AKAP3: variants seen among roughly 807,000 people sequenced by gnomAD.
The protein encoded by AKAP3 is A-kinase anchor protein 3.
In AKAP3, 27 loss-of-function variants were observed where a neutral mutation model predicts 57.2. The ratio of observed to expected loss-of-function variants is 0.47; its 90% CI spans 0.35 to 0.65. AKAP3 has a LOEUF of 0.65. Among genes scored for constraint, AKAP3 ranks in the 30% least tolerant of loss-of-function variants. The pLI is 0.01. For missense variants in AKAP3, 959 were observed against 1,040.0 expected, an observed-to-expected ratio of 0.92 and a Z score of 1.07; for synonymous variants, 334 against 392.3, an observed-to-expected ratio of 0.85 and a Z score of 1.76.
Position 4,647,106 on chromosome 12 carries a change from C to T in AKAP3, c.-245+1639G>A, listed in dbSNP as rs78836002. On this transcript the variant is annotated intron_variant, in intron 1 of 5. Transcript: ENST00000228850. ...CCTCTTCGTCTTTGAAATAATGGGG[C>T]TTGCTGAGCTCCTAAAATCTCTTCC... Among the ~76,000 whole-genome samples, 1,275 of 152,150 alleles carry T rather than the reference C, an allele frequency of 8.4e-3. 9 individuals are homozygous for T. The highest frequency in any genetic ancestry group is 0.022 in the African/African-American group (930 of 41,500).
At chr12:4,637,255 T>C (rs1444040453) in intron 4 of AKAP3, among the ~76,000 whole-genome samples, 1 of 152,184 alleles carries the variant, frequency 6.6e-6, no homozygotes, top group East Asian at 1.9e-4. Flanking sequence ...ACCCTAAACA[T>C]TTCTCCTTTG....
chr12:4,622,432 A>T (rs146608498), intron 5 of AKAP3, among the ~76,000 whole-genome samples: 164 of 152,286 alleles, frequency 1.1e-3, no homozygotes, highest in African/African-American at 3.7e-3. Flanking sequence ...ACAAAAACAG[A>T]CATACAGACC....
rs1945399280 is a variant in AKAP3 at position 4,625,347 on chromosome 12, C to T, written c.2406+1149G>A. Among the ~76,000 whole-genome samples the T allele has an allele frequency of 6.6e-6, 1 of 152,190 alleles. No homozygotes were observed. Among genetic ancestry groups the T allele is most frequent in the Admixed American group, 6.5e-5 (1 of 15,272 alleles). On this transcript the variant is annotated intron_variant, in intron 5 of 5. Coordinates refer to ENST00000228850, the MANE Select transcript of AKAP3 (RefSeq NM_001278309.2). The surrounding 1 kb of genome is among the most constrained non-coding windows in gnomAD (Gnocchi z 5.4). The stretch of plus-strand genomic sequence containing the variant: ...GATGCCAATGTTGTAGGTCCACAGA[C>T]TACACTTTAAGTAGCACGTGTAGTC...
intron 3 of AKAP3, among the ~76,000 whole-genome samples, chr12:4,641,185 C>T (rs1945633935): frequency 6.6e-6 from 1 of 151,110 alleles, no homozygotes; most frequent in South Asian, 2.1e-4. Context: ...ACCGCAACCT[C>T]CGCCTTCCCA....
intron 1 of AKAP3, among the ~76,000 whole-genome samples, chr12:4,646,673 A>C (rs915300237): frequency 6.6e-6 from 1 of 152,202 alleles, no homozygotes; most frequent in Non-Finnish European, 1.5e-5. Context: ...CTTGAAAAAA[A>C]AAAAAGTTAT....
At chr12:4,643,477 G>T (rs112649171) in intron 2 of AKAP3, among the ~76,000 whole-genome samples, 2 of 152,124 alleles carry the variant, frequency 1.3e-5, no homozygotes, top group African/African-American at 4.8e-5. Context: ...ATGATACTTT[G>T]TGTTATCTAT....
At chr12:4,642,783 A>C (rs1469638510) in intron 2 of AKAP3, among the ~76,000 whole-genome samples, 1 of 152,176 alleles carries the variant, frequency 6.6e-6, no homozygotes, top group African/African-American at 2.4e-5. Flanking sequence ...TTTCCTATTC[A>C]TCTTGGTATG....
Position 4,625,104 on chromosome 12 carries a change from G to A in AKAP3, c.2406+1392C>T, listed in dbSNP as rs1945395521. Reference sequence around the variant, plus strand: ...CCACCTCTACTAATTGCTATATACTGTAAAATAGTTGTCTGTTTCACGGAT... The same window carrying A: ...CCACCTCTACTAATTGCTATATACTATAAAATAGTTGTCTGTTTCACGGAT... On this transcript the variant is annotated intron_variant, in intron 5 of 5. Coordinates refer to ENST00000228850, the MANE Select transcript of AKAP3 (RefSeq NM_001278309.2). The surrounding 1 kb of genome is among the most constrained non-coding windows in gnomAD (Gnocchi z 5.4). Among the ~76,000 whole-genome samples, 1 of 151,984 alleles carries A rather than the reference G, an allele frequency of 6.6e-6. No homozygotes were observed. Among genetic ancestry groups the A allele is most frequent in the Admixed American group, 6.6e-5 (1 of 15,244 alleles).
At chr12:4,632,329 C>T (rs923287841) in intron 4 of AKAP3, among the ~76,000 whole-genome samples, 4 of 152,182 alleles carry the variant, frequency 2.6e-5, no homozygotes, top group East Asian at 3.8e-4. Flanking sequence ...CATGTGTAGT[C>T]GTGAGTTCTA....
intron 5 of AKAP3, among the ~76,000 whole-genome samples, chr12:4,619,449 C>A (rs529400957): frequency 3.3e-5 from 5 of 151,618 alleles, no homozygotes; most frequent in Admixed American, 3.3e-4. Flanking sequence ...CCCAGCTACT[C>A]GGGAGGCTGA....
Position 4,627,531 on chromosome 12 carries a change from C to T in AKAP3, c.1371G>A (p.Gly457=), listed in dbSNP as rs768271801. 6.2e-7 allele frequency: 1 copy of T among 1,614,120 alleles called. No individual in the cohort carries two copies. Among genetic ancestry groups the T allele is most frequent in the Non-Finnish European group, 8.5e-7 (1 of 1,179,996 alleles). The change falls in exon 5 of 6, where the codon GGG becomes GGA. Residue 457 remains glycine (G), a synonymous_variant. Transcript: ENST00000228850. Reference sequence around the variant, plus strand: ...GCTGAGTTTTATGCCACAAGGTAAGCCCCTCTTTGATAATGTGCTCACCCA... The same window carrying T: ...GCTGAGTTTTATGCCACAAGGTAAGTCCCTCTTTGATAATGTGCTCACCCA... ...KTLGEHIIKE[G]LTLWHKTQQK... is the part of the protein sequence containing the mutation.
rs1945432577 is a variant in AKAP3 at position 4,627,400 on chromosome 12, C to T, written c.1502G>A (p.Gly501Asp). The part of the protein sequence containing the change: ...DISFEYPEDI[G>D]NLSLPPYPPE... Reference sequence around the variant, plus strand: ...AGGATATGGAGGAAGGCTGAGGTTGCCAATATCTTCAGGGTACTCAAAGGA... The same window carrying T: ...AGGATATGGAGGAAGGCTGAGGTTGTCAATATCTTCAGGGTACTCAAAGGA... Residue 501 changes from glycine (G) to aspartate (D), a missense_variant, in exon 5 of 6, where the codon GGC (glycine) becomes GAC (aspartate). Gly to Asp is a moderately conservative substitution (Grantham distance 94, BLOSUM62 -1). Coordinates refer to ENST00000228850, the MANE Select transcript of AKAP3 (RefSeq NM_001278309.2). 2 of 1,613,834 alleles carry T rather than the reference C, an allele frequency of 1.2e-6. No individual in the cohort carries two copies. Among genetic ancestry groups the T allele is most frequent in the Non-Finnish European group, 1.7e-6 (2 of 1,179,988 alleles).
rs755732386 is a variant in AKAP3, at chr12:4,627,779, C to T, written c.1123G>A (p.Asp375Asn). 4.3e-6 allele frequency: 7 copies of T among 1,614,124 alleles called. No individual in the cohort carries two copies. The South Asian group carries it at 6.6e-5, about 15-fold the overall frequency. The change falls in exon 5 of 6, where the codon GAT becomes AAT. Residue 375 changes from aspartate (D) to asparagine (N), a missense_variant. Physicochemically the swap from Asp to Asn is conservative, Grantham distance 23 (BLOSUM62 1). Coordinates refer to ENST00000228850, the MANE Select transcript of AKAP3 (RefSeq NM_001278309.2). ...TTGTACAGCTTCCTTAGCATGGCAT[C>T]CATGATATCTGTGGCCTTTTGGCTT... is the stretch of plus-strand genomic sequence containing the variant. ...HGSQKATDIM[D>N]AMLRKLYNVM...
chr12:4,636,989 TC>T (rs1945574881), intron 4 of AKAP3, among the ~76,000 whole-genome samples: 1 of 152,290 alleles, frequency 6.6e-6, no homozygotes, highest in African/African-American at 2.4e-5. Flanking sequence ...CAAGCAATCC[TC>T]CCACCTTGGC....
rs1945405203 is a variant in AKAP3 at position 4,625,798 on chromosome 12, G to A, written c.2406+698C>T. 6.6e-6 allele frequency among the ~76,000 whole-genome samples: 1 copy of A among 152,180 alleles called. No homozygotes were observed. The highest frequency in any genetic ancestry group is 1.9e-4 in the East Asian group (1 of 5,174). ...TTTAATTCCCGCACTTCAGTGTGAA[G>A]CATCTGGGGTAAGTGTGCGTGTTCT... On this transcript the variant is annotated intron_variant, in intron 5 of 5. Transcript: ENST00000228850. The surrounding 1 kb of genome is among the most constrained non-coding windows in gnomAD (Gnocchi z 5.4).
Position 4,627,590 on chromosome 12 carries a change from G to A in AKAP3, c.1312C>T (p.Pro438Ser). ...TKLREKMYSEPKSEEETCAKT... is the reference protein window; with the variant it reads ...TKLREKMYSESKSEEETCAKT... ...GCACAAGTCTCCTCCTCTGATTTGG[G>A]TTCAGAATACATTTTTTCTCTCAAT... is the stretch of plus-strand genomic sequence containing the variant. The change falls in exon 5 of 6, where the codon CCC (proline) becomes TCC (serine). Residue 438 changes from proline to serine, a missense_variant. Pro to Ser is a moderately conservative substitution (Grantham distance 74, BLOSUM62 -1). Transcript: ENST00000228850. 6.2e-7 allele frequency: 1 copy of A among 1,614,084 alleles called. No homozygotes were observed.
At chr12:4,636,877 G>A (rs1041449384) in intron 4 of AKAP3, among the ~76,000 whole-genome samples, 4 of 152,126 alleles carry the variant, frequency 2.6e-5, no homozygotes, top group Non-Finnish European at 5.9e-5. Flanking sequence ...AGCCTCTCAA[G>A]TTGCTGTGAC....
chr12:4,628,905 A>C, intron 4 of AKAP3, 100 bp from the exon 5 acceptor site: 109 of 1,283,534 alleles, frequency 8.5e-5, no homozygotes, highest in Non-Finnish European at 1.0e-4. Context: ...CAGCCCTCTC[A>C]AGCTTGCTCC....
intron 4 of AKAP3, among the ~76,000 whole-genome samples, chr12:4,629,349 C>A (rs544812543): frequency 1.2e-4 from 19 of 152,246 alleles, no homozygotes; most frequent in Non-Finnish European, 2.2e-4. Flanking sequence ...CCCAGTTGAT[C>A]ATTGATGGGC....
Sources: gnomAD v4.1 joint callset for allele counts (sites outside exome capture counted in the v4.1 genomes callset) on GRCh38, gnomAD v4.1.1 for gene constraint, Gnocchi (gnomAD v3.1) non-coding constraint, MANE v1.5 for transcripts, NCBI Gene and HGNC (gene_info 2026-07-23, HGNC 2026-07-21) for gene names.